RBM19: variants seen among roughly 807,000 people sequenced by gnomAD.
The protein encoded by RBM19 is RNA binding motif protein 19, also known as probable RNA-binding protein 19.
In RBM19, 94 loss-of-function variants were observed where a neutral mutation model predicts 116.8. The observed-to-expected ratio is 0.80, with a 90% CI of 0.68 to 0.95. The LOEUF (loss-of-function observed/expected upper bound fraction) is 0.95. Ranked by LOEUF, RBM19 falls within the 40% of genes least tolerant of loss-of-function variation. RBM19 has a pLI of 0.00. For synonymous variants in RBM19, 475 were observed against 494.1 expected (o/e 0.96, Z 0.51); for missense variants, 1,161 against 1,220.7 (o/e 0.95, Z 0.73).
downstream of RBM19, among the ~76,000 whole-genome samples, chr12:113,819,847 C>T (rs1205306543): frequency 2.0e-5 from 3 of 152,204 alleles, no homozygotes; most frequent in African/African-American, 7.2e-5. Flanking sequence ...TCCCGAGCTC[C>T]GCTTTATGGC....
chr12:113,880,416 C>T (rs980411969), intron 21 of RBM19, among the ~76,000 whole-genome samples: 1 of 152,206 alleles, frequency 6.6e-6, no homozygotes, highest in African/African-American at 2.4e-5. Context: ...GTAATGAACA[C>T]AGCGACATGA....
At chr12:113,847,287 G>A (rs1304663140) in intron 22 of RBM19, among the ~76,000 whole-genome samples, 1 of 152,048 alleles carries the variant, frequency 6.6e-6, no homozygotes, top group Non-Finnish European at 1.5e-5. Flanking sequence ...GAAACGCTTT[G>A]TTCTCTTCTG....
rs1401861630 is a variant in RBM19, at chr12:113,959,407, G to A, written c.379-3C>T. ...TGGAACTCTGTATCCTCCTTCAGCTGGTGGCACCAGAACCCGGGCGGCAGG... is the reference window on the plus strand; with the variant it reads ...TGGAACTCTGTATCCTCCTTCAGCTAGTGGCACCAGAACCCGGGCGGCAGG... On this transcript the variant is annotated splice_polypyrimidine_tract_variant and splice_region_variant and intron_variant, in intron 4 of 23. Transcript: ENST00000261741. The A allele has an allele frequency of 6.3e-7, 1 of 1,597,130 alleles. No homozygotes were observed. The highest frequency in any genetic ancestry group is 8.6e-7 in the Non-Finnish European group (1 of 1,165,946).
chr12:113,919,484 T>A (rs1882977463), intron 19 of RBM19, among the ~76,000 whole-genome samples: 1 of 152,178 alleles, frequency 6.6e-6, no homozygotes, highest in African/African-American at 2.4e-5. Context: ...GGCAGGAGAA[T>A]GGCGTGAACC....
At chr12:113,902,894 T>C (rs1047700038) in intron 21 of RBM19, among the ~76,000 whole-genome samples, 1 of 152,224 alleles carries the variant, frequency 6.6e-6, no homozygotes, top group African/African-American at 2.4e-5. Context: ...GGTTAGCAGC[T>C]TTATTGAGAT....
chr12:113,831,979 G>A (rs947643379), intron 23 of RBM19, among the ~76,000 whole-genome samples: 2 of 152,056 alleles, frequency 1.3e-5, no homozygotes, highest in Non-Finnish European at 2.9e-5. Context: ...CCACTTGGGC[G>A]CACACTTGGG....
chr12:113,853,835 T>C (rs1439676454), intron 22 of RBM19, among the ~76,000 whole-genome samples: 1 of 152,140 alleles, frequency 6.6e-6, no homozygotes, highest in Non-Finnish European at 1.5e-5. Flanking sequence ...ACTCCTCCTC[T>C]GGGGGCTGGG....
intron 21 of RBM19, among the ~76,000 whole-genome samples, chr12:113,897,069 G>C (rs762188695): frequency 1.3e-5 from 2 of 152,226 alleles, no homozygotes; most frequent in Non-Finnish European, 2.9e-5. Context: ...ATGGCTTTGG[G>C]CCAATGGCTT....
intron 16 of RBM19, among the ~76,000 whole-genome samples, chr12:113,932,304 G>GC (rs1292204400): frequency 6.6e-6 from 1 of 152,234 alleles, no homozygotes; most frequent in Non-Finnish European, 1.5e-5. Flanking sequence ...CAAGACCTGA[G>GC]CCTGGGCCTG....
intron 21 of RBM19, among the ~76,000 whole-genome samples, chr12:113,887,987 G>A (rs1170489433): frequency 6.6e-6 from 1 of 152,138 alleles, no homozygotes; most frequent in East Asian, 1.9e-4. Context: ...CTCCCAAAGT[G>A]TTGAGATTAC....
chr12:113,948,735 A>C, intron 10 of RBM19, 98 bp downstream of exon 10: 2 of 1,192,132 alleles, frequency 1.7e-6, no homozygotes, highest in Non-Finnish European at 2.4e-6. Context: ...AGAGATGTGG[A>C]GTCGTGTGCA....
intron 21 of RBM19, among the ~76,000 whole-genome samples, chr12:113,902,031 C>G (rs1363408997): frequency 6.6e-6 from 1 of 152,154 alleles, no homozygotes; most frequent in African/African-American, 2.4e-5. Flanking sequence ...CACCCTTCAC[C>G]CAGTTTCCCT....
At chr12:113,865,716 T>G (rs1878747298) in intron 21 of RBM19, among the ~76,000 whole-genome samples, 1 of 152,162 alleles carries the variant, frequency 6.6e-6, no homozygotes, top group Non-Finnish European at 1.5e-5. Context: ...ATGATGCTCT[T>G]TTATGCAGTG....
intron 3 of RBM19, 62 bp downstream of exon 3, chr12:113,959,997 C>T: frequency 1.2e-6 from 2 of 1,613,984 alleles, no homozygotes; most frequent in Non-Finnish European, 1.7e-6. Flanking sequence ...TCTTTGGGAA[C>T]CAAAAGTGAG....
intron 7 of RBM19, among the ~76,000 whole-genome samples, chr12:113,954,215 C>T (rs891737538): frequency 6.6e-6 from 1 of 152,168 alleles, no homozygotes; most frequent in African/African-American, 2.4e-5. Flanking sequence ...AAGACAAAAA[C>T]GTCCAAGAAG....
At chr12:113,891,933 G>A (rs181647052) in intron 21 of RBM19, among the ~76,000 whole-genome samples, 56 of 152,254 alleles carry the variant, frequency 3.7e-4, no homozygotes, top group South Asian at 1.2e-3. Context: ...TTCCTCCGTC[G>A]TGTGTCGGGT....
chr12:113,874,043 C>G (rs1271004904), intron 21 of RBM19, among the ~76,000 whole-genome samples: 1 of 152,266 alleles, frequency 6.6e-6, no homozygotes, highest in African/African-American at 2.4e-5. Flanking sequence ...GGTGCCACCT[C>G]AAAGGTGCTC....
intron 16 of RBM19, among the ~76,000 whole-genome samples, chr12:113,930,812 C>T (rs11066821): frequency 0.071 from 10,844 of 152,214 alleles, 1,279 homozygotes; most frequent in African/African-American, 0.25. Flanking sequence ...AGTTCAAGGG[C>T]ATCATGGTCT....
intron 21 of RBM19, among the ~76,000 whole-genome samples, chr12:113,893,725 G>A (rs966271474): frequency 2.0e-5 from 3 of 152,118 alleles, no homozygotes; most frequent in Non-Finnish European, 4.4e-5. Flanking sequence ...ATCTAGATCC[G>A]TGCTGCCCAA....
Sources: gnomAD v4.1 joint callset for allele counts (sites outside exome capture counted in the v4.1 genomes callset) on GRCh38, gnomAD v4.1.1 for gene constraint, MANE v1.5 for transcripts, NCBI Gene and HGNC (gene_info 2026-07-23, HGNC 2026-07-21) for gene names.